The following ROBO2 variants were observed in gnomAD, a reference collection of about 807,000 sequenced individuals.
The protein encoded by ROBO2 is roundabout guidance receptor 2.
ROBO2 carries 53 observed loss-of-function variants against 160.8 expected under a neutral mutation model. The ratio of observed to expected loss-of-function variants is 0.33; its 90% confidence interval spans 0.26 to 0.41. The LOEUF is 0.41. ROBO2 is among the 10% of genes least tolerant of loss of function. ROBO2 has a pLI of 1.00. For synonymous variants in ROBO2, 664 were observed against 611.7 expected, an observed-to-expected ratio of 1.09 and a Z score of -1.26; for missense variants, 1,577 against 1,722.4, an observed-to-expected ratio of 0.92 and a Z score of 1.49.
chr3:76,099,763 C>T lies in ROBO2; in HGVS notation c.109+162161C>T, dbSNP rs370175692. 9.1e-4 allele frequency among the ~76,000 whole-genome samples: 138 copies of T among 151,878 alleles called. 1 individual carries two copies. The highest frequency in any genetic ancestry group is 1.7e-3 in the South Asian group (8 of 4,806). ...GTTTTGGAATATGGCTTACCAAAAA[C>T]GTAAGAGAAAGAAGGAAGGAAGGGA... On this transcript the variant is annotated intron_variant, in intron 2 of 26. Coordinates refer to the ROBO2 transcript ENST00000487694.
At chr3:77,042,800 C>T (rs557567960) in intron 1 of ROBO2, among the ~76,000 whole-genome samples, 3 of 152,052 alleles carry the variant, frequency 2.0e-5, no homozygotes, top group Non-Finnish European at 4.4e-5. Flanking sequence ...CAACCTAGAA[C>T]CTTTGTTCTG....
Position 76,562,461 on chromosome 3 carries a change from C to T in ROBO2, c.110-535553C>T, listed in dbSNP as rs528640551. Among the ~76,000 whole-genome samples the T allele has an allele frequency of 2.0e-5, 3 of 151,926 alleles. No individual in the cohort carries two copies. The East Asian group carries it at 5.9e-4, about 30-fold the overall frequency. On this transcript the variant is annotated intron_variant, in intron 2 of 26. Coordinates refer to the ROBO2 transcript ENST00000487694. ...TTGATCTCTCTCTCTCTCTCTCTCT[C>T]TCTCAACCTTTTCCATTCTTTTCAT...
intron 2 of ROBO2, among the ~76,000 whole-genome samples, chr3:76,798,043 C>T (rs889860707): frequency 7.4e-4 from 110 of 149,000 alleles, no homozygotes; most frequent in African/African-American, 2.6e-3. Context: ...GAAATTTTTC[C>T]AAACTCATTC....
upstream of ROBO2, among the ~76,000 whole-genome samples, chr3:77,037,627 G>A (rs1026154933): frequency 6.6e-6 from 1 of 152,008 alleles, no homozygotes; most frequent in African/African-American, 2.4e-5. Context: ...GTGGTAGGCT[G>A]ATCTCGCCCA....
chr3:77,517,775 A>G (rs1478323488), intron 5 of ROBO2, among the ~76,000 whole-genome samples: 1 of 151,360 alleles, frequency 6.6e-6, no homozygotes, highest in East Asian at 2.0e-4. Context: ...GGCCAGCTTC[A>G]TTCCACCAAG....
At chr3:76,255,402 T>C (rs1168636057) in intron 2 of ROBO2, among the ~76,000 whole-genome samples, 1 of 152,098 alleles carries the variant, frequency 6.6e-6, no homozygotes, top group East Asian at 1.9e-4. Flanking sequence ...CCATTGTCCA[T>C]AATAAGATTA....
At chr3:76,271,141 T>C (rs896217203) in intron 2 of ROBO2, among the ~76,000 whole-genome samples, 26 of 152,180 alleles carry the variant, frequency 1.7e-4, no homozygotes, top group African/African-American at 6.3e-4. Context: ...TTTACATTTA[T>C]ATGAAAATTA....
At chr3:77,578,801 T>C (rs2093835662) in intron 15 of ROBO2, among the ~76,000 whole-genome samples, 1 of 152,090 alleles carries the variant, frequency 6.6e-6, no homozygotes, top group South Asian at 2.1e-4. Flanking sequence ...TGTGTTTTAA[T>C]GAGGTTAGGA....
intron 1 of ROBO2, among the ~76,000 whole-genome samples, chr3:75,911,272 T>C (rs926174048): frequency 4.6e-5 from 7 of 152,152 alleles, no homozygotes; most frequent in African/African-American, 1.7e-4. Flanking sequence ...CTGGAAGTGA[T>C]GTACACGATC....
intron 2 of ROBO2, among the ~76,000 whole-genome samples, chr3:76,668,771 C>G (rs979192499): frequency 6.6e-6 from 1 of 151,638 alleles, no homozygotes; most frequent in Non-Finnish European, 1.5e-5. Flanking sequence ...CAGTTAGCAG[C>G]TAATACTGCC....
At chr3:76,462,482 T>C (rs1028348449) in intron 2 of ROBO2, among the ~76,000 whole-genome samples, 1 of 152,160 alleles carries the variant, frequency 6.6e-6, no homozygotes, top group Non-Finnish European at 1.5e-5. Context: ...CCATCAGTGA[T>C]GCATTTCTTT....
At chr3:77,421,888 T>G (rs977804928) in intron 2 of ROBO2, among the ~76,000 whole-genome samples, 2 of 152,196 alleles carry the variant, frequency 1.3e-5, no homozygotes, top group Non-Finnish European at 2.9e-5. Flanking sequence ...AAACAAGATC[T>G]GCTGTCTAAA....
chr3:76,984,113 C>T (rs1186832261), intron 2 of ROBO2, among the ~76,000 whole-genome samples: 2 of 152,090 alleles, frequency 1.3e-5, no homozygotes, highest in African/African-American at 4.8e-5. Flanking sequence ...GAAACCGCCC[C>T]CCGGGATCCA....
chr3:76,889,422 A>G (rs1180247590), intron 2 of ROBO2, among the ~76,000 whole-genome samples: 2 of 152,234 alleles, frequency 1.3e-5, no homozygotes, highest in African/African-American at 4.8e-5. Flanking sequence ...ATTAGGGATG[A>G]TTCCTATTTT....
chr3:76,151,935 A>G (rs942056958), intron 2 of ROBO2, among the ~76,000 whole-genome samples: 5 of 152,234 alleles, frequency 3.3e-5, no homozygotes, highest in African/African-American at 7.2e-5. Flanking sequence ...GATTCATCCA[A>G]TAAACATTAT....
chr3:77,491,095 ACT>A (rs2086048670), intron 4 of ROBO2, among the ~76,000 whole-genome samples: 1 of 152,036 alleles, frequency 6.6e-6, no homozygotes. Context: ...CTTATCACTC[ACT>A]CTCTGTCTAG....
intron 1 of ROBO2, among the ~76,000 whole-genome samples, chr3:77,044,164 T>A (rs1176847520): frequency 6.7e-6 from 1 of 149,926 alleles, no homozygotes; most frequent in African/African-American, 2.5e-5. Context: ...GCAAAAATAT[T>A]GTAAAAAAAA....
intron 2 of ROBO2, among the ~76,000 whole-genome samples, chr3:77,128,094 G>A (rs936505709): frequency 6.6e-6 from 1 of 152,080 alleles, no homozygotes; most frequent in Non-Finnish European, 1.5e-5. Context: ...GATAGAAAAT[G>A]TTTCAAAAAT....
At chr3:76,218,769 C>T (rs561997047) in intron 2 of ROBO2, among the ~76,000 whole-genome samples, 16 of 151,554 alleles carry the variant, frequency 1.1e-4, no homozygotes, top group African/African-American at 3.6e-4. Flanking sequence ...ATGCCATCCC[C>T]ATCAAGCTAC....
Sources: allele counts gnomAD v4.1 joint callset (sites outside exome capture counted in the v4.1 genomes callset), GRCh38; gene constraint gnomAD v4.1.1; transcripts MANE v1.5; gene names NCBI Gene and HGNC (gene_info 2026-07-23, HGNC 2026-07-21).